Variants in KIAA1217 observed in about 807,000 individuals in gnomAD.
KIAA1217 encodes sickle tail protein homolog.
In KIAA1217, 88 loss-of-function variants were observed where a neutral mutation model predicts 163.9. The observed-to-expected ratio is 0.54, with a 90% CI of 0.45 to 0.64. The LOEUF is 0.64. Among genes scored for constraint, KIAA1217 ranks in the 30% least tolerant of loss-of-function variants. The pLI, the probability that KIAA1217 is intolerant of heterozygous loss-of-function variation, is 0.00. For synonymous variants in KIAA1217, 903 were observed against 923.1 expected (o/e 0.98, Z 0.39); for missense variants, 2,372 against 2,475.0 (o/e 0.96, Z 0.88).
intron 2 of KIAA1217, among the ~76,000 whole-genome samples, chr10:24,262,179 TC>T (rs2075786125): frequency 6.6e-6 from 1 of 152,178 alleles, no homozygotes; most frequent in African/African-American, 2.4e-5. Context: ...CATTCAGATG[TC>T]ATCCACATGT....
At chr10:24,033,617 G>C (rs1848278072) in intron 2 of KIAA1217, among the ~76,000 whole-genome samples, 1 of 152,162 alleles carries the variant, frequency 6.6e-6, no homozygotes, top group Non-Finnish European at 1.5e-5. Context: ...TCACATCTAG[G>C]TTTGGAACCA....
At chr10:24,082,743 T>C (rs963274199) in intron 2 of KIAA1217, among the ~76,000 whole-genome samples, 2 of 152,242 alleles carry the variant, frequency 1.3e-5, no homozygotes, top group Non-Finnish European at 1.5e-5. Flanking sequence ...TGATTTATAT[T>C]TCTTTGGGTA....
At chr10:23,704,166 GTGTGTGTATATA>G (rs1836701133) in intron 1 of KIAA1217, among the ~76,000 whole-genome samples, 4 of 71,362 alleles carry the variant, frequency 5.6e-5, no homozygotes, top group African/African-American at 2.6e-4. Context: ...GTGTGTGTGT[GTGTGTGTATATA>G]TATATATATA....
At position 24,473,489 on chromosome 10, in the gene KIAA1217, A is replaced by G; in HGVS notation, c.1108A>G (p.Arg370Gly). The change falls in exon 6 of 21, where the codon AGA (arginine) becomes GGA (glycine). Residue 370 changes from arginine to glycine, a missense_variant. By Grantham distance (125) the Arg-to-Gly change is moderately radical (BLOSUM62 -2). Around this residue, in one of 3 missense-constraint regions of KIAA1217, gnomAD observed 1,431 missense variants for 1,470.3 expected, o/e 0.97. Transcript: ENST00000376454. The part of the protein sequence containing the change: ...ISPSPSAILE[R>G]RDVKPDEDMS... ...TCCAAGCCCAAGCGCCATTTTAGAA[A>G]GAAGAGATGTCAAGCCTGATGAAGA... 6.2e-7 allele frequency: 1 copy of G among 1,614,168 alleles called. No individual in the cohort carries two copies. The highest frequency in any genetic ancestry group is 8.5e-7 in the Non-Finnish European group (1 of 1,180,038).
intron 2 of KIAA1217, among the ~76,000 whole-genome samples, chr10:24,121,372 T>C (rs998572849): frequency 1.8e-4 from 28 of 152,216 alleles, no homozygotes; most frequent in Non-Finnish European, 2.9e-5. Context: ...TTTTCTGGGC[T>C]TCAGTTTCTG....
At chr10:24,143,134 C>T (rs868213231) in intron 2 of KIAA1217, among the ~76,000 whole-genome samples, 3 of 152,128 alleles carry the variant, frequency 2.0e-5, no homozygotes, top group Non-Finnish European at 4.4e-5. Context: ...AGAGGAGGGA[C>T]ATGTGTCCAT....
At chr10:24,330,041 T>A (rs2045458088) in intron 2 of KIAA1217, among the ~76,000 whole-genome samples, 1 of 152,168 alleles carries the variant, frequency 6.6e-6, no homozygotes, top group African/African-American at 2.4e-5. Context: ...GGCTCACACC[T>A]GTAATCCCAG....
intron 1 of KIAA1217, among the ~76,000 whole-genome samples, chr10:23,935,249 G>A (rs1157856426): frequency 1.3e-5 from 2 of 152,194 alleles, no homozygotes; most frequent in Non-Finnish European, 2.9e-5. Context: ...TATGGATAAG[G>A]AAGCACTTAC....
chr10:23,816,163 G>A (rs1179937200), intron 1 of KIAA1217, among the ~76,000 whole-genome samples: 1 of 152,132 alleles, frequency 6.6e-6, no homozygotes, highest in Non-Finnish European at 1.5e-5. Context: ...CCCTCTGCAA[G>A]GCATTGAGTG....
chr10:24,256,627 G>T (rs185313257), intron 2 of KIAA1217, among the ~76,000 whole-genome samples: 2 of 152,272 alleles, frequency 1.3e-5, no homozygotes, highest in African/African-American at 2.4e-5. Context: ...AACCAACACT[G>T]GTTTTCAAAA....
At chr10:23,825,551 C>T (rs1837859455) in intron 1 of KIAA1217, among the ~76,000 whole-genome samples, 1 of 152,172 alleles carries the variant, frequency 6.6e-6, no homozygotes, top group Non-Finnish European at 1.5e-5. Flanking sequence ...TATTAAACCA[C>T]ATACAGTGCT....
intron 1 of KIAA1217, among the ~76,000 whole-genome samples, chr10:23,989,570 A>C (rs1846125706): frequency 6.6e-6 from 1 of 152,154 alleles, no homozygotes; most frequent in Non-Finnish European, 1.5e-5. Context: ...AAGATGGAGG[A>C]TCAGAGAGAC....
intron 1 of KIAA1217, among the ~76,000 whole-genome samples, chr10:23,904,443 A>T (rs1842070628): frequency 6.6e-6 from 1 of 152,192 alleles, no homozygotes; most frequent in South Asian, 2.1e-4. Context: ...ACTTACAAAA[A>T]ACTCCAAAAT....
intron 2 of KIAA1217, among the ~76,000 whole-genome samples, chr10:24,088,755 A>AC (rs2131677610): frequency 8.0e-6 from 1 of 124,372 alleles, no homozygotes; most frequent in African/African-American, 2.5e-5. Context: ...CATTAAACAT[A>AC]CGTATGCATG....
At chr10:23,954,664 A>AG (rs1448957202) in intron 1 of KIAA1217, among the ~76,000 whole-genome samples, 1 of 152,038 alleles carries the variant, frequency 6.6e-6, no homozygotes, top group African/African-American at 2.4e-5. Flanking sequence ...GAAAGAAGGA[A>AG]GAAAAAAAAG....
chr10:23,846,341 A>T (rs1198878243), intron 1 of KIAA1217, among the ~76,000 whole-genome samples: 1 of 152,188 alleles, frequency 6.6e-6, no homozygotes, highest in Non-Finnish European at 1.5e-5. Context: ...CATTTTCACA[A>T]TATGGATTCT....
intron 9 of KIAA1217, among the ~76,000 whole-genome samples, chr10:24,505,301 A>G (rs1453879969): frequency 1.3e-5 from 2 of 150,748 alleles, no homozygotes; most frequent in Non-Finnish European, 2.9e-5. Context: ...GAACCTTTAT[A>G]GTGTGATATT....
chr10:23,758,851 T>C (rs1031208923), intron 1 of KIAA1217, among the ~76,000 whole-genome samples: 5 of 151,820 alleles, frequency 3.3e-5, no homozygotes, highest in African/African-American at 1.2e-4. Flanking sequence ...CACACCTGGC[T>C]AATTTTTGTA....
intron 2 of KIAA1217, among the ~76,000 whole-genome samples, chr10:24,140,043 G>A (rs189813863): frequency 1.3e-4 from 19 of 150,114 alleles, no homozygotes; most frequent in Non-Finnish European, 2.1e-4. Flanking sequence ...GAGAACTTTC[G>A]CCTTTTCACC....
Sources: allele counts gnomAD v4.1 joint callset (sites outside exome capture counted in the v4.1 genomes callset), GRCh38; gene constraint gnomAD v4.1.1; regional missense constraint gnomAD v4.1.1; transcripts MANE v1.5; gene names NCBI Gene and HGNC (gene_info 2026-07-23, HGNC 2026-07-21).